Variants in ADAMTSL1 observed in about 807,000 individuals in gnomAD.
ADAMTSL1 encodes the protein ADAMTS like 1, also known as ADAMTS-like protein 1.
In ADAMTSL1, 126 loss-of-function variants were observed where a neutral mutation model predicts 201.8. The observed-to-expected ratio is 0.62, with a 90% CI of 0.54 to 0.72. The LOEUF is 0.72. ADAMTSL1 is among the 30% of genes least tolerant of loss of function. The pLI, the probability that ADAMTSL1 is intolerant of heterozygous loss-of-function variation, is 0.00. For synonymous variants in ADAMTSL1, 1,121 were observed against 903.4 expected, an observed-to-expected ratio of 1.24 and a Z score of -4.32; for missense variants, 2,679 against 2,277.8, an observed-to-expected ratio of 1.18 and a Z score of -3.59.
At chr9:18,425,957 G>T (rs558934308) in intron 2 of ADAMTSL1, among the ~76,000 whole-genome samples, 1 of 151,532 alleles carries the variant, frequency 6.6e-6, no homozygotes, top group Non-Finnish European at 1.5e-5. Flanking sequence ...ATTATTGAAA[G>T]ATGAGACCAT....
intron 20 of ADAMTSL1, among the ~76,000 whole-genome samples, chr9:18,799,167 G>A (rs538663612): frequency 1.3e-5 from 2 of 152,278 alleles, no homozygotes; most frequent in African/African-American, 2.4e-5. Flanking sequence ...TGCTCCAAGT[G>A]TAGATGAAAG....
intron 1 of ADAMTSL1, among the ~76,000 whole-genome samples, chr9:18,121,401 AC>A (rs1825491081): frequency 6.6e-6 from 1 of 152,190 alleles, no homozygotes; most frequent in South Asian, 2.1e-4. Flanking sequence ...AGATTGAAAT[AC>A]CCACCCACAA....
chr9:17,980,276 T>C (rs1483205102), intron 1 of ADAMTSL1, among the ~76,000 whole-genome samples: 1 of 152,200 alleles, frequency 6.6e-6, no homozygotes, highest in Non-Finnish European at 1.5e-5. Context: ...TTTAAGGGGA[T>C]GTGTGTCAGA....
At chr9:18,520,919 A>G (rs1489399817) in intron 2 of ADAMTSL1, among the ~76,000 whole-genome samples, 1 of 152,138 alleles carries the variant, frequency 6.6e-6, no homozygotes, top group Non-Finnish European at 1.5e-5. Context: ...GGATTCAGGG[A>G]CCTTTCATCT....
chr9:17,947,383 A>G (rs1827545450), intron 1 of ADAMTSL1, among the ~76,000 whole-genome samples: 1 of 151,384 alleles, frequency 6.6e-6, no homozygotes, highest in African/African-American at 2.4e-5. Context: ...AACTATAGCT[A>G]TTTTGATTAG....
chr9:18,070,357 G>A (rs760355400), intron 1 of ADAMTSL1, among the ~76,000 whole-genome samples: 2 of 152,148 alleles, frequency 1.3e-5, no homozygotes, highest in African/African-American at 2.4e-5. Context: ...GGGATGGCAG[G>A]CAAATGTGGC....
intron 1 of ADAMTSL1, among the ~76,000 whole-genome samples, chr9:18,043,714 A>T (rs1242120807): frequency 1.3e-5 from 2 of 152,122 alleles, no homozygotes; most frequent in Non-Finnish European, 2.9e-5. Context: ...ATAATTTATT[A>T]ATGCTATATG....
At chr9:18,107,835 G>A (rs1028730067) in intron 1 of ADAMTSL1, among the ~76,000 whole-genome samples, 5 of 152,028 alleles carry the variant, frequency 3.3e-5, no homozygotes, top group Non-Finnish European at 7.4e-5. Flanking sequence ...AGAAAGTTAC[G>A]CCAGGAAGTG....
chr9:18,692,575 A>G (rs956526861), intron 13 of ADAMTSL1, among the ~76,000 whole-genome samples: 4 of 152,194 alleles, frequency 2.6e-5, no homozygotes, highest in African/African-American at 9.7e-5. Context: ...TGTTAAGTCC[A>G]TTAAGGTCAT....
chr9:18,425,802 A>G (rs1346457213), intron 2 of ADAMTSL1, among the ~76,000 whole-genome samples: 1 of 147,372 alleles, frequency 6.8e-6, no homozygotes, highest in Non-Finnish European at 1.5e-5. Flanking sequence ...GCTGCAATGA[A>G]CCATGGTCAC....
intron 13 of ADAMTSL1, among the ~76,000 whole-genome samples, chr9:18,692,878 G>A (rs897410677): frequency 8.5e-5 from 13 of 152,060 alleles, no homozygotes; most frequent in African/African-American, 1.2e-4. Flanking sequence ...CTATTTGCAA[G>A]GAAAAGCAAA....
At chr9:18,342,981 C>G (rs1835533683) in intron 2 of ADAMTSL1, among the ~76,000 whole-genome samples, 1 of 151,964 alleles carries the variant, frequency 6.6e-6, no homozygotes, top group African/African-American at 2.4e-5. Flanking sequence ...ATAATTCTCA[C>G]TAGACTGCAC....
chr9:18,193,876 A>C (rs1829070748), intron 2 of ADAMTSL1, among the ~76,000 whole-genome samples: 1 of 152,148 alleles, frequency 6.6e-6, no homozygotes, highest in South Asian at 2.1e-4. Flanking sequence ...TTGTTTGCAC[A>C]CACTCATGTT....
At chr9:18,540,778 A>G (rs1418772136) in intron 3 of ADAMTSL1, among the ~76,000 whole-genome samples, 2 of 152,124 alleles carry the variant, frequency 1.3e-5, no homozygotes, top group South Asian at 4.2e-4. Context: ...CCAAGGCAGG[A>G]GAGGGATTTC....
At chr9:18,486,778 C>A (rs2131835273) in intron 1 of ADAMTSL1, among the ~76,000 whole-genome samples, 1 of 152,268 alleles carries the variant, frequency 6.6e-6, no homozygotes, top group Middle Eastern at 3.4e-3. Flanking sequence ...ACACAAAGCC[C>A]ATAACAGGGA....
At chr9:18,117,364 G>A (rs764987955) in intron 1 of ADAMTSL1, among the ~76,000 whole-genome samples, 1 of 151,834 alleles carries the variant, frequency 6.6e-6, no homozygotes, top group African/African-American at 2.4e-5. Flanking sequence ...CTTCACCCTC[G>A]CTTCTCTGGT....
intron 2 of ADAMTSL1, among the ~76,000 whole-genome samples, chr9:18,355,380 G>A (rs536954406): frequency 4.9e-4 from 74 of 152,090 alleles, no homozygotes; most frequent in Non-Finnish European, 9.6e-4. Flanking sequence ...TAAAGTATGT[G>A]TATTTTAGGA....
chr9:17,970,783 T>A (rs1192648568), intron 1 of ADAMTSL1, among the ~76,000 whole-genome samples: 1 of 152,050 alleles, frequency 6.6e-6, no homozygotes, highest in Non-Finnish European at 1.5e-5. Flanking sequence ...ATCTTCACAC[T>A]TACTTGGTCT....
At chr9:18,836,166 CTGT>C (rs1291399740) in intron 23 of ADAMTSL1, among the ~76,000 whole-genome samples, 2 of 152,264 alleles carry the variant, frequency 1.3e-5, no homozygotes, top group South Asian at 2.1e-4. Flanking sequence ...TCACCAGCAT[CTGT>C]TGTTTTTTGA....
Sources: allele counts gnomAD v4.1 joint callset (sites outside exome capture counted in the v4.1 genomes callset), GRCh38; gene constraint gnomAD v4.1.1; transcripts MANE v1.5; gene names NCBI Gene and HGNC (gene_info 2026-07-23, HGNC 2026-07-21).